The following CD44 variants were observed in gnomAD, a reference collection of about 807,000 sequenced individuals.
CD44 encodes CD44 molecule (IN blood group).
In CD44, 49 loss-of-function variants were observed where a neutral mutation model predicts 88.8. The ratio of observed to expected loss-of-function variants is 0.55; its 90% CI spans 0.44 to 0.70. CD44 has a LOEUF of 0.70. CD44 is among the 30% of genes least tolerant of loss of function. CD44 has a pLI of 0.00. For missense variants in CD44, 883 were observed against 913.8 expected (o/e 0.97, Z 0.43); for synonymous variants, 325 against 312.3 (o/e 1.04, Z -0.43).
intron 15 of CD44, among the ~76,000 whole-genome samples, chr11:35,217,134 G>T (rs1948891665): frequency 6.6e-6 from 1 of 152,108 alleles, no homozygotes. Flanking sequence ...TGTGGCTTTT[G>T]CTTGAAGTGA....
intron 1 of CD44, among the ~76,000 whole-genome samples, chr11:35,167,832 G>A (rs1299776922): frequency 6.6e-6 from 1 of 152,182 alleles, no homozygotes; most frequent in Non-Finnish European, 1.5e-5. Flanking sequence ...CCCAAGTCCT[G>A]GAGTCCTCTC....
At chr11:35,174,679 T>G (rs1177248240) in intron 1 of CD44, among the ~76,000 whole-genome samples, 1 of 152,230 alleles carries the variant, frequency 6.6e-6, no homozygotes, top group Non-Finnish European at 1.5e-5. Context: ...GAATAATTCT[T>G]TACCCAACTG....
intron 14 of CD44, among the ~76,000 whole-genome samples, chr11:35,213,023 C>T (rs1948534972): frequency 6.6e-6 from 1 of 151,876 alleles, no homozygotes; most frequent in Non-Finnish European, 1.5e-5. Context: ...GGGGTTTCAC[C>T]ATGTTGGCCA....
At position 35,181,934 on chromosome 11, in the gene CD44, A is replaced by G. The variant is rs1411038127; in HGVS notation, c.367+1527A>G. ...ATATATTATATATTATATTATATATAAATTATATATAATATATATAAATTT... is the reference window on the plus strand; with the variant it reads ...ATATATTATATATTATATTATATATGAATTATATATAATATATATAAATTT... On this transcript the variant is annotated intron_variant, in intron 3 of 17. Transcript: ENST00000428726. Among the ~76,000 whole-genome samples, 81 of 66,024 alleles carry G rather than the reference A, an allele frequency of 1.2e-3. 6 individuals carry two copies. Among genetic ancestry groups the G allele is most frequent in the African/African-American group, 4.4e-3 (76 of 17,448 alleles). The allele number at this position is 66,024 out of a possible 152,430, so 43.3% of individuals were successfully genotyped here. A position where few individuals can be genotyped will look rare whatever the true frequency, so the allele number is the denominator to read the frequency against.
intron 1 of CD44, among the ~76,000 whole-genome samples, chr11:35,140,616 G>A (rs1217975707): frequency 1.3e-5 from 2 of 152,160 alleles, no homozygotes; most frequent in Non-Finnish European, 2.9e-5. Flanking sequence ...GGCAGGATGA[G>A]TTCTCTGTGC....
At chr11:35,222,828 C>T in intron 17 of CD44, 2 of 985,114 alleles carry the variant, frequency 2.0e-6, no homozygotes, top group Non-Finnish European at 2.4e-6. Flanking sequence ...GTAAAAGAAA[C>T]TTATTTCCAA....
At chr11:35,212,581 G>A (rs938156810) in intron 14 of CD44, 1 of 152,030 alleles carries the variant, frequency 6.6e-6, no homozygotes, top group East Asian at 1.9e-4. Context: ...AATTCAGAAT[G>A]CCACATGCTT....
chr11:35,150,619 T>C (rs1470236723), intron 1 of CD44, among the ~76,000 whole-genome samples: 1 of 152,258 alleles, frequency 6.6e-6, no homozygotes, highest in Non-Finnish European at 1.5e-5. Flanking sequence ...TATACCCATC[T>C]GGAATCCACT....
chr11:35,159,759 C>A (rs146435351), intron 1 of CD44, among the ~76,000 whole-genome samples: 4 of 152,304 alleles, frequency 2.6e-5, no homozygotes, highest in Admixed American at 2.6e-4. Context: ...GCGGACGTAA[C>A]CTGCCTGAGA....
intron 3 of CD44, among the ~76,000 whole-genome samples, chr11:35,182,854 T>G (rs1945292265): frequency 6.6e-6 from 1 of 152,210 alleles, no homozygotes; most frequent in Non-Finnish European, 1.5e-5. Flanking sequence ...CCACATTGTC[T>G]TACCTGTTTT....
intron 6 of CD44, chr11:35,197,814 C>A: frequency 8.6e-6 from 2 of 232,862 alleles, no homozygotes; most frequent in Non-Finnish European, 1.7e-5. Context: ...TAATAATAAA[C>A]ATATCTGAAA....
intron 1 of CD44, among the ~76,000 whole-genome samples, chr11:35,168,896 C>T (rs988098146): frequency 6.6e-6 from 1 of 152,172 alleles, no homozygotes; most frequent in Admixed American, 6.5e-5. Flanking sequence ...TGTCCTGTAA[C>T]TGAGATGATA....
At chr11:35,186,507 A>AAGGAGC (rs2133838702) in intron 3 of CD44, among the ~76,000 whole-genome samples, 1 of 151,582 alleles carries the variant, frequency 6.6e-6, no homozygotes, top group East Asian at 2.0e-4. Context: ...TGCATTAGAG[A>AAGGAGC]AGGAGCCGTG....
Position 35,211,254 on chromosome 11 carries a change from G to C in CD44, c.1615G>C (p.Asp539His), listed in dbSNP as rs547834270. The C allele has an allele frequency of 4.3e-6, 7 of 1,612,782 alleles. No homozygotes were observed. Among genetic ancestry groups the C allele is most frequent in the African/African-American group, 1.3e-5 (1 of 74,862 alleles). ...TSTLTSSNRN[D>H]VTGGRRDPNH... ...ATTCCACCTCCACACAGATAGGAATGATGTCACAGGTGGAAGAAGAGACCC... is the reference window on the plus strand; with the variant it reads ...ATTCCACCTCCACACAGATAGGAATCATGTCACAGGTGGAAGAAGAGACCC... Residue 539 changes from aspartate to histidine, a missense_variant, in exon 14 of 18, where the codon GAT becomes CAT. By Grantham distance (81) the Asp-to-His change is moderately conservative (BLOSUM62 -1). This residue lies in a region of CD44 where 631 missense variants were observed against 590.9 expected (regional missense o/e 1.07). Coordinates refer to ENST00000428726, the MANE Select transcript of CD44 (RefSeq NM_000610.4).
At chr11:35,185,563 T>A (rs1945579018) in intron 3 of CD44, among the ~76,000 whole-genome samples, 1 of 149,872 alleles carries the variant, frequency 6.7e-6, no homozygotes, top group South Asian at 2.2e-4. Context: ...TCTGTCTGCC[T>A]GCCTGTCTTC....
chr11:35,207,883 C>T (rs774091488), intron 11 of CD44, among the ~76,000 whole-genome samples: 6 of 152,208 alleles, frequency 3.9e-5, no homozygotes, highest in Non-Finnish European at 5.9e-5. Flanking sequence ...AAACACACAG[C>T]ATAGCTTTCA....
rs115894942 is a variant in CD44, at chr11:35,196,330, G to A, written c.668-416G>A. 5.9e-3 allele frequency among the ~76,000 whole-genome samples: 891 copies of A among 152,236 alleles called. 7 individuals carry two copies. The highest frequency in any genetic ancestry group is 0.02 in the African/African-American group (850 of 41,546). ...TCCTCTTCCTGAAATTTTCACCACAGATCCTAATTTGGCCTCATGGATCCA... is the reference window on the plus strand; with the variant it reads ...TCCTCTTCCTGAAATTTTCACCACAAATCCTAATTTGGCCTCATGGATCCA... On this transcript the variant is annotated intron_variant, in intron 5 of 17. Transcript: ENST00000428726.
intron 4 of CD44, among the ~76,000 whole-genome samples, chr11:35,187,173 C>T (rs1440872586): frequency 6.6e-6 from 1 of 151,954 alleles, no homozygotes; most frequent in Non-Finnish European, 1.5e-5. Flanking sequence ...GCTCAGGAGG[C>T]TGAGGCAGGA....
chr11:35,228,460 G>T (rs189527367), intron 17 of CD44, among the ~76,000 whole-genome samples: 4 of 152,256 alleles, frequency 2.6e-5, no homozygotes, highest in Admixed American at 2.6e-4. Context: ...GGACTTTCTG[G>T]AATATACAAA....
Sources: gnomAD v4.1 joint callset for allele counts (sites outside exome capture counted in the v4.1 genomes callset) on GRCh38, gnomAD v4.1.1 for gene constraint, gnomAD v4.1.1 regional missense constraint, MANE v1.5 for transcripts, NCBI Gene and HGNC (gene_info 2026-07-23, HGNC 2026-07-21) for gene names.